ANKRD44: variants seen among roughly 807,000 people sequenced by gnomAD.
ANKRD44 encodes ankyrin repeat domain 44.
Under a neutral mutation model 116.0 loss-of-function variants are expected in ANKRD44, and 35 were observed. The ratio of observed to expected loss-of-function variants is 0.30; its 90% CI spans 0.23 to 0.40. ANKRD44 has a LOEUF of 0.40. Among genes scored for constraint, ANKRD44 ranks in the 10% least tolerant of loss-of-function variants. The pLI is 1.00. For missense variants in ANKRD44, 1,014 were observed against 1,242.6 expected (o/e 0.82, Z 2.77); for synonymous variants, 435 against 461.8 (o/e 0.94, Z 0.74).
intron 21 of ANKRD44, among the ~76,000 whole-genome samples, chr2:196,978,523 T>A (rs554614542): frequency 6.6e-6 from 1 of 152,308 alleles, no homozygotes; most frequent in Admixed American, 6.5e-5. Flanking sequence ...AGCCACATAG[T>A]GTATTATTTC....
intron 8 of ANKRD44, among the ~76,000 whole-genome samples, chr2:197,111,704 T>TA (rs5837524): frequency 6.9e-4 from 102 of 148,492 alleles, no homozygotes; most frequent in Admixed American, 1.4e-3. Context: ...TAATTCCATT[T>TA]AAAAAAAAAA....
At chr2:197,149,940 T>C (rs888560872) in intron 2 of ANKRD44, among the ~76,000 whole-genome samples, 1 of 152,186 alleles carries the variant, frequency 6.6e-6, no homozygotes, top group African/African-American at 2.4e-5. Flanking sequence ...GTAGTAATAA[T>C]ACTGGTTAAA....
chr2:197,061,900 C>T (rs2077323017), intron 16 of ANKRD44, among the ~76,000 whole-genome samples: 1 of 152,010 alleles, frequency 6.6e-6, no homozygotes, highest in Admixed American at 6.6e-5. Flanking sequence ...CCTGCCTCAG[C>T]TTCCCAAGTA....
intron 26 of ANKRD44, 71 bp from the exon 27 acceptor site, chr2:196,993,745 A>G (rs2075962355): frequency 3.9e-6 from 5 of 1,280,290 alleles, no homozygotes; most frequent in Middle Eastern, 1.8e-4. Flanking sequence ...TTGTTAGCCC[A>G]TGTCACTAAA....
intron 1 of ANKRD44, among the ~76,000 whole-genome samples, chr2:197,247,075 T>C (rs527262575): frequency 5.2e-4 from 79 of 152,332 alleles, no homozygotes; most frequent in African/African-American, 1.8e-3. Flanking sequence ...ATGTGGTTAA[T>C]ATGGGTTGAC....
At chr2:197,218,753 T>TTTTTTTTTTTC (rs2081511425) in intron 1 of ANKRD44, among the ~76,000 whole-genome samples, 5 of 13,656 alleles carry the variant, frequency 3.7e-4, no homozygotes, top group African/African-American at 9.1e-4. Flanking sequence ...TAAAGTCCCT[T>TTTTTTTTTTTC]TTTTTTTTTT....
intron 4 of ANKRD44, 129 bp downstream of exon 4, chr2:197,136,463 A>AT: frequency 1.3e-6 from 1 of 799,992 alleles, no homozygotes. Context: ...AAAGCTGTTC[A>AT]TTTTGGGTAA....
At chr2:197,197,787 G>A (rs1418395047) in intron 1 of ANKRD44, among the ~76,000 whole-genome samples, 1 of 128,358 alleles carries the variant, frequency 7.8e-6, no homozygotes, top group African/African-American at 2.9e-5. Context: ...TCCAGCCTGG[G>A]TGACAGAGTG....
chr2:197,058,189 GTTTTC>G (rs974736594), intron 16 of ANKRD44, among the ~76,000 whole-genome samples: 9 of 152,126 alleles, frequency 5.9e-5, no homozygotes, highest in African/African-American at 2.4e-5. Context: ...AGTAAAGAAT[GTTTTC>G]TTTTAAGCAC....
chr2:197,129,707 A>C (rs919246875), intron 4 of ANKRD44, among the ~76,000 whole-genome samples: 5 of 152,236 alleles, frequency 3.3e-5, no homozygotes, highest in African/African-American at 9.7e-5. Context: ...TTCAACCTTG[A>C]AATAAGAAGT....
chr2:197,003,044 T>C (rs2076140878), intron 21 of ANKRD44, among the ~76,000 whole-genome samples: 1 of 152,154 alleles, frequency 6.6e-6, no homozygotes, highest in South Asian at 2.1e-4. Flanking sequence ...TGGTGGCTCA[T>C]GCCTGTAATC....
At chr2:197,181,706 G>A (rs986127467) in intron 2 of ANKRD44, among the ~76,000 whole-genome samples, 11 of 152,158 alleles carry the variant, frequency 7.2e-5, no homozygotes, top group East Asian at 5.8e-4. Flanking sequence ...CCAGTCTAGC[G>A]GTCTTTCAGG....
intron 16 of ANKRD44, among the ~76,000 whole-genome samples, chr2:197,033,911 T>C (rs1401369901): frequency 6.6e-6 from 1 of 152,190 alleles, no homozygotes; most frequent in South Asian, 2.1e-4. Context: ...CATTTAAAAC[T>C]GGCATTTACA....
intron 18 of ANKRD44, among the ~76,000 whole-genome samples, chr2:197,010,317 C>CTCT (rs1414108823): frequency 6.6e-6 from 1 of 151,950 alleles, no homozygotes; most frequent in Non-Finnish European, 1.5e-5. Flanking sequence ...GAGCCACAGG[C>CTCT]GGCGCTTTCT....
chr2:197,310,518 G>T, intron 1 of ANKRD44, 60 bp downstream of exon 1: 1 of 1,001,702 alleles, frequency 1.0e-6, no homozygotes, highest in Middle Eastern at 4.7e-4. Context: ...CCATCCCCCC[G>T]CCGGGCTCCG....
rs933205065 is a variant in ANKRD44, at chr2:197,086,556, G to T, written c.1316+124C>A. The T allele has an allele frequency of 6.1e-6, 5 of 820,626 alleles. No individual in the cohort carries two copies. The East Asian group carries it at 1.1e-4, about 18-fold the overall frequency. 50.8% of individuals were successfully genotyped at this position (820,626 alleles called of 1,614,324 possible). A position where few individuals can be genotyped will look rare whatever the true frequency, so the allele number is the denominator to read the frequency against. ...CCTCTATGAGAAGGGACTTCCTTCC[G>T]AGGAGGATGGAATCCCCCCAGCTAA... On this transcript the variant is annotated intron_variant, in intron 13 of 27. Coordinates refer to ENST00000282272, the MANE Select transcript of ANKRD44 (RefSeq NM_001195144.2).
rs185670201 is a variant in ANKRD44, at chr2:197,047,105, G to A, written c.1651-21838C>T. Among the ~76,000 whole-genome samples, 50 of 151,534 alleles carry A rather than the reference G, an allele frequency of 3.3e-4. 1 individual carries two copies. The East Asian group carries it at 7.6e-3, about 23-fold the overall frequency. On this transcript the variant is annotated intron_variant, in intron 16 of 27. Transcript: ENST00000282272. ...GCAATCTCGGCTCACTACAAGCTCC[G>A]CCTCCTGGGTTCAAGCGATTCTCCT...
intron 3 of ANKRD44, among the ~76,000 whole-genome samples, chr2:197,138,602 A>G (rs937354292): frequency 6.6e-6 from 1 of 152,204 alleles, no homozygotes; most frequent in African/African-American, 2.4e-5. Flanking sequence ...AGATCTTCCA[A>G]CACTCTGGAT....
At chr2:197,013,484 G>C in intron 18 of ANKRD44, 27 bp downstream of exon 18, 1 of 1,608,692 alleles carries the variant, frequency 6.2e-7, no homozygotes, top group Non-Finnish European at 8.5e-7. Flanking sequence ...ACAAAACTAG[G>C]GTAATCAGGC....
Sources: gnomAD v4.1 joint callset for allele counts (sites outside exome capture counted in the v4.1 genomes callset) on GRCh38, gnomAD v4.1.1 for gene constraint, MANE v1.5 for transcripts, NCBI Gene and HGNC (gene_info 2026-07-23, HGNC 2026-07-21) for gene names.